Variants in NELL2 observed in about 807,000 individuals in gnomAD.
NELL2 encodes the protein protein kinase C-binding protein NELL2.
A neutral mutation model predicts 109.6 loss-of-function variants in NELL2; 41 were observed. The ratio of observed to expected loss-of-function variants is 0.37; its 90% confidence interval spans 0.29 to 0.49. NELL2 has a LOEUF of 0.49. Ranked by LOEUF, NELL2 falls within the 20% of genes least tolerant of loss-of-function variation. The probability of loss-of-function intolerance (pLI) is 0.98; values close to 1 mark genes in which losing one functional copy is unlikely to be tolerated. For synonymous variants in NELL2, 355 were observed against 344.7 expected (o/e 1.03, Z -0.33); for missense variants, 900 against 1,008.3 (o/e 0.89, Z 1.45).
At chr12:44,780,986 A>C (rs1370657484) in intron 3 of NELL2, among the ~76,000 whole-genome samples, 1 of 152,136 alleles carries the variant, frequency 6.6e-6, no homozygotes, top group African/African-American at 2.4e-5. Flanking sequence ...AAACATGTCC[A>C]GGTTTCAGTA....
intron 9 of NELL2, among the ~76,000 whole-genome samples, chr12:44,761,059 T>C (rs1041623301): frequency 6.6e-6 from 1 of 152,178 alleles, no homozygotes. Flanking sequence ...CATGAAAAAT[T>C]ATTTCATAAA....
intron 2 of NELL2, among the ~76,000 whole-genome samples, chr12:44,822,934 G>GA (rs1943591524): frequency 6.6e-6 from 1 of 152,084 alleles, no homozygotes; most frequent in South Asian, 2.1e-4. Flanking sequence ...AGTTAACAAA[G>GA]AAAGGCAGGG....
intron 15 of NELL2, among the ~76,000 whole-genome samples, chr12:44,536,928 G>A (rs1221122227): frequency 6.7e-6 from 1 of 150,022 alleles, no homozygotes; most frequent in African/African-American, 2.5e-5. Context: ...AGGCACTGCT[G>A]AGGGTAGATT....
chr12:44,713,203 C>G (rs1187975920), intron 10 of NELL2, among the ~76,000 whole-genome samples: 15 of 148,442 alleles, frequency 1.0e-4, no homozygotes, highest in African/African-American at 3.6e-4. Context: ...CACACACACA[C>G]ACACACACAC....
At chr12:44,748,368 CCTTTAAT>C (rs1284400873) in intron 9 of NELL2, among the ~76,000 whole-genome samples, 1 of 151,920 alleles carries the variant, frequency 6.6e-6, no homozygotes, top group South Asian at 2.1e-4. Context: ...TTTTCTCTAC[CCTTTAAT>C]CTTTATAGAC....
intron 2 of NELL2, among the ~76,000 whole-genome samples, chr12:44,831,098 A>C (rs1349354): frequency 0.97 from 146,727 of 152,032 alleles, 70,912 homozygotes; most frequent in South Asian, 1. Context: ...AGTTTTTCCC[A>C]CCATTGTGAG....
chr12:44,679,148 A>T (rs1948415202), intron 12 of NELL2, among the ~76,000 whole-genome samples: 1 of 152,058 alleles, frequency 6.6e-6, no homozygotes, highest in African/African-American at 2.4e-5. Flanking sequence ...ATTCACACGT[A>T]CCTATTACTC....
rs116075151 is a variant in NELL2, at chr12:44,793,781, G to A, written c.336-13759C>T. On this transcript the variant is annotated intron_variant, in intron 3 of 19. Transcript: ENST00000429094. ...TCAATAACATTAGCTATCATTAATA[G>A]AAAGGAAGATATGTCAAAAGGAATC... 2.3e-3 allele frequency among the ~76,000 whole-genome samples: 353 copies of A among 152,288 alleles called. 1 individual carries two copies. The highest frequency in any genetic ancestry group is 7.7e-3 in the African/African-American group (320 of 41,570).
intron 9 of NELL2, among the ~76,000 whole-genome samples, chr12:44,743,321 C>T (rs1251081360): frequency 6.6e-6 from 1 of 152,202 alleles, no homozygotes; most frequent in Non-Finnish European, 1.5e-5. Context: ...TGGAAAGGAA[C>T]AACCGGTACC....
chr12:44,904,981 G>C (rs868022181), intron 1 of NELL2, among the ~76,000 whole-genome samples: 7 of 151,974 alleles, frequency 4.6e-5, no homozygotes, highest in African/African-American at 4.8e-5. Context: ...TTTAAGCAGA[G>C]ACAAAAGTAA....
At chr12:44,800,780 T>A (rs1252756351) in intron 3 of NELL2, among the ~76,000 whole-genome samples, 4 of 152,206 alleles carry the variant, frequency 2.6e-5, no homozygotes, top group African/African-American at 7.2e-5. Context: ...TAACATATTC[T>A]GAAACTATGG....
At chr12:44,891,850 T>A (rs564856952) in intron 1 of NELL2, among the ~76,000 whole-genome samples, 135 of 152,370 alleles carry the variant, frequency 8.9e-4, no homozygotes, top group African/African-American at 3.2e-3. Flanking sequence ...GGGTAGAATA[T>A]GGTTCCATCC....
At chr12:44,536,570 C>T (rs982448072) in intron 15 of NELL2, among the ~76,000 whole-genome samples, 11 of 151,812 alleles carry the variant, frequency 7.2e-5, no homozygotes, top group East Asian at 1.9e-4. Flanking sequence ...CATTATTTTC[C>T]AAACTAAATA....
intron 15 of NELL2, among the ~76,000 whole-genome samples, chr12:44,597,911 A>G (rs1204386996): frequency 6.6e-6 from 1 of 152,206 alleles, no homozygotes; most frequent in East Asian, 1.9e-4. Flanking sequence ...AAGCAGGACA[A>G]ATGCAGGAGA....
chr12:44,652,818 G>A, intron 13 of NELL2, among the ~76,000 whole-genome samples: 1 of 152,170 alleles, frequency 6.6e-6, no homozygotes, highest in East Asian at 1.9e-4. Flanking sequence ...TTTCTCCCTG[G>A]AGGCTCTAGT....
intron 2 of NELL2, among the ~76,000 whole-genome samples, chr12:44,863,440 A>C (rs1468057440): frequency 6.6e-6 from 1 of 152,238 alleles, no homozygotes; most frequent in East Asian, 1.9e-4. Flanking sequence ...AAGGAGTTCC[A>C]ATAAAGCTAA....
chr12:44,704,995 G>A (rs1212634611), intron 11 of NELL2, among the ~76,000 whole-genome samples: 1 of 148,468 alleles, frequency 6.7e-6, no homozygotes, highest in African/African-American at 2.5e-5. Context: ...CTCCAGCCTG[G>A]GCAAAAGAGT....
intron 1 of NELL2, chr12:44,881,977 T>C (rs1169438162): frequency 6.6e-6 from 1 of 152,062 alleles, no homozygotes; most frequent in Non-Finnish European, 1.5e-5. Flanking sequence ...GTGGAATTTT[T>C]TTTTCTAAGT....
rs1363910938 is a variant in NELL2 at position 44,610,833 on chromosome 12, A to T, written c.1567+15T>A. On this transcript the variant is annotated intron_variant, in intron 14 of 19. Transcript: ENST00000429094. ...TATACATAATGGAAGAGGCACTGGC[A>T]TTTAAACCTTTTACCTTTGCATGTC... 1.2e-6 allele frequency: 2 copies of T among 1,612,584 alleles called. No homozygotes were observed. Among genetic ancestry groups the T allele is most frequent in the African/African-American group, 2.7e-5 (2 of 74,798 alleles).
Sources: allele counts gnomAD v4.1 joint callset (sites outside exome capture counted in the v4.1 genomes callset), GRCh38; gene constraint gnomAD v4.1.1; transcripts MANE v1.5; gene names NCBI Gene and HGNC (gene_info 2026-07-23, HGNC 2026-07-21).